The following NLRP1 variants were observed in gnomAD, a reference collection of about 807,000 sequenced individuals.
The protein encoded by NLRP1 is NLR family pyrin domain containing 1.
A neutral mutation model predicts 136.7 loss-of-function variants in NLRP1; 94 were observed. That is an observed-to-expected ratio of 0.69 (90% CI 0.58 to 0.82). The LOEUF is 0.82. Among genes scored for constraint, NLRP1 ranks in the 40% least tolerant of loss-of-function variants. The probability of loss-of-function intolerance (pLI) is 0.00; values close to 1 mark genes in which losing one functional copy is unlikely to be tolerated. For missense variants in NLRP1, 1,575 were observed against 1,802.7 expected, an observed-to-expected ratio of 0.87 and a Z score of 2.29; for synonymous variants, 690 against 725.1, an observed-to-expected ratio of 0.95 and a Z score of 0.78.
At chr17:5,547,919 C>T (rs532142178) in intron 5 of NLRP1, among the ~76,000 whole-genome samples, 2 of 152,294 alleles carry the variant, frequency 1.3e-5, no homozygotes, top group South Asian at 4.1e-4. Context: ...TTCTTTTCTT[C>T]AATTTCCTTG....
chr17:5,538,559 C>T (rs778725335), intron 7 of NLRP1, among the ~76,000 whole-genome samples: 6 of 152,172 alleles, frequency 3.9e-5, no homozygotes, highest in African/African-American at 7.2e-5. Flanking sequence ...CCTGTACTTT[C>T]CTTTCACTCC....
At chr17:5,565,472 G>C (rs1011634591) in intron 3 of NLRP1, among the ~76,000 whole-genome samples, 1 of 152,156 alleles carries the variant, frequency 6.6e-6, no homozygotes, top group Non-Finnish European at 1.5e-5. Context: ...TCACTGTGCA[G>C]AAGCTTTTTA....
intron 8 of NLRP1, 83 bp downstream of exon 8, chr17:5,536,768 T>C: frequency 1.0e-6 from 1 of 952,668 alleles, no homozygotes; most frequent in Non-Finnish European, 1.7e-6. Flanking sequence ...GCTGTGTTTG[T>C]CTCTCACCCC....
At chr17:5,580,152 G>A (rs1471557137) in intron 3 of NLRP1, among the ~76,000 whole-genome samples, 4 of 151,954 alleles carry the variant, frequency 2.6e-5, no homozygotes, top group Admixed American at 1.3e-4. Flanking sequence ...GGAGAATGGC[G>A]TGAACCCGGG....
At chr17:5,538,861 G>C (rs1019252188) in intron 7 of NLRP1, among the ~76,000 whole-genome samples, 10 of 151,932 alleles carry the variant, frequency 6.6e-5, no homozygotes, top group African/African-American at 2.2e-4. Flanking sequence ...CACTGTCCTT[G>C]TTTTTATTTT....
chr17:5,525,579 C>G (rs1909427453), intron 12 of NLRP1, among the ~76,000 whole-genome samples: 1 of 152,122 alleles, frequency 6.6e-6, no homozygotes, highest in South Asian at 2.1e-4. Flanking sequence ...CACAGTGGCT[C>G]TCCTACTCAA....
chr17:5,512,268 A>G, downstream of NLRP1: 1 of 1,538,100 alleles, frequency 6.5e-7, no homozygotes, highest in South Asian at 1.1e-5. Context: ...GACAAGATCT[A>G]GACAGGTGCC....
chr17:5,533,000 A>AG lies in NLRP1; in HGVS notation c.3134-17dup. The AG allele has an allele frequency of 6.2e-7, 1 of 1,606,836 alleles. No individual in the cohort carries two copies. Among genetic ancestry groups the AG allele is most frequent in the Non-Finnish European group, 8.5e-7 (1 of 1,176,546 alleles). On this transcript the variant is annotated splice_polypyrimidine_tract_variant and intron_variant, in intron 10 of 16. Transcript: ENST00000572272. Reference sequence around the variant, plus strand: ...GAGCTTTCCTCTGAAACAGCAAGGCAGCGGTCAGCTCCAGATTCTCCCGCC... The same window carrying AG: ...GAGCTTTCCTCTGAAACAGCAAGGCAGGCGGTCAGCTCCAGATTCTCCCGCC...
In NLRP1 at chr17:5,559,157, G is replaced by T. The variant is rs1914447075; in HGVS notation, c.1539C>A (p.Leu513=). ...CCCAGGGCACAAGACACAGGGCCCAGAGCTCTTTGTTTGATTTGACCAACC... is the reference window on the plus strand; with the variant it reads ...CCCAGGGCACAAGACACAGGGCCCATAGCTCTTTGTTTGATTTGACCAACC... ...AFRLVKSNKE[L]WALCLVPWVS... is the part of the protein sequence containing the mutation. The change falls in exon 4 of 17, where the codon CTC becomes CTA. Residue 513 remains leucine, a synonymous_variant. Coordinates refer to ENST00000572272, the MANE Select transcript of NLRP1 (RefSeq NM_033004.4). 4 of 1,614,200 alleles carry T rather than the reference G, an allele frequency of 2.5e-6. No individual in the cohort carries two copies. In the East Asian group the frequency reaches 8.9e-5, roughly 36 times the overall value.
At chr17:5,526,371 C>T (rs974962892) in intron 12 of NLRP1, among the ~76,000 whole-genome samples, 2 of 152,146 alleles carry the variant, frequency 1.3e-5, no homozygotes, top group Admixed American at 6.5e-5. Flanking sequence ...AGGAAGACAA[C>T]AGTTTTGAGG....
At chr17:5,573,554 G>A (rs1353503515) in intron 3 of NLRP1, among the ~76,000 whole-genome samples, 1 of 152,184 alleles carries the variant, frequency 6.6e-6, no homozygotes. Flanking sequence ...AGCCTAACTG[G>A]GAAGCACCCC....
At chr17:5,525,431 G>C (rs1909409483) in intron 12 of NLRP1, among the ~76,000 whole-genome samples, 2 of 152,248 alleles carry the variant, frequency 1.3e-5, no homozygotes, top group Admixed American at 1.3e-4. Context: ...GGACATTGCT[G>C]CTCCTGCTGT....
chr17:5,513,887 T>C (rs187074354), downstream of NLRP1, among the ~76,000 whole-genome samples: 4 of 152,304 alleles, frequency 2.6e-5, no homozygotes, highest in Admixed American at 1.3e-4. Flanking sequence ...CTAATTTTAA[T>C]ACATTAGCAT....
chr17:5,568,609 T>C (rs1597473000), intron 3 of NLRP1, among the ~76,000 whole-genome samples: 1 of 152,154 alleles, frequency 6.6e-6, no homozygotes, highest in East Asian at 1.9e-4. Context: ...TTAATGCTAG[T>C]AGATGTTCTT....
intron 14 of NLRP1, among the ~76,000 whole-genome samples, chr17:5,520,222 G>A (rs188979441): frequency 2.6e-5 from 4 of 152,262 alleles, no homozygotes; most frequent in African/African-American, 9.6e-5. Flanking sequence ...AGAACAAAGT[G>A]CAAAGTGCAT....
chr17:5,512,080 T>C, downstream of NLRP1: 1 of 720,592 alleles, frequency 1.4e-6, no homozygotes. Context: ...TTTGGGTTTT[T>C]GTGGTTTTGG....
chr17:5,566,127 T>C (rs142622336), intron 3 of NLRP1, among the ~76,000 whole-genome samples: 3,649 of 152,260 alleles, frequency 0.024, 156 homozygotes, highest in African/African-American at 0.084. Flanking sequence ...AATCAACTTT[T>C]TGTTTCATTG....
rs1283212821 is a variant in NLRP1 at position 5,550,118 on chromosome 17, A to G, written c.2528+3268T>C. Among the ~76,000 whole-genome samples the G allele has an allele frequency of 7.5e-5, 11 of 145,970 alleles. No homozygotes were observed. The Admixed American group carries it at 7.7e-4, about 10-fold the overall frequency. On this transcript the variant is annotated intron_variant, in intron 5 of 16. Transcript: ENST00000572272. Reference sequence around the variant, plus strand: ...GTTATGTAATTTTGCATATATATTCATAAAGGATGTTGGCCTGCAGATTTT... The same window carrying G: ...GTTATGTAATTTTGCATATATATTCGTAAAGGATGTTGGCCTGCAGATTTT...
rs778255342 is a variant in NLRP1 at position 5,559,326 on chromosome 17, G to A, written c.1370C>T (p.Thr457Met). 16 of 1,613,996 alleles carry A rather than the reference G, an allele frequency of 9.9e-6. No homozygotes were observed. The highest frequency in any genetic ancestry group is 1.6e-4 in the Middle Eastern group (1 of 6,084). ...TILPEASFLITARTTALQNLI... is the reference protein window; with the variant it reads ...TILPEASFLIMARTTALQNLI... ...GTTCTGCAGAGCTGTGGTCCGAGCC[G>A]TGATCAGGAAGGATGCCTCGGGAAG... Residue 457 changes from threonine (T) to methionine (M), a missense_variant, in exon 4 of 17, where the codon ACG becomes ATG. Thr to Met is a moderately conservative substitution (Grantham distance 81, BLOSUM62 -1). Transcript: ENST00000572272.
Sources: gnomAD v4.1 joint callset for allele counts (sites outside exome capture counted in the v4.1 genomes callset) on GRCh38, gnomAD v4.1.1 for gene constraint, MANE v1.5 for transcripts, NCBI Gene and HGNC (gene_info 2026-07-23, HGNC 2026-07-21) for gene names.